TMEM91: variants seen among roughly 807,000 people sequenced by gnomAD.
The protein encoded by TMEM91 is dispanin subfamily C member 3.
A neutral mutation model predicts 13.3 loss-of-function variants in TMEM91; 6 were observed. The ratio of observed to expected loss-of-function variants is 0.45; its 90% CI spans 0.25 to 0.89. The LOEUF is 0.89. Ranked by LOEUF, TMEM91 falls within the 40% of genes least tolerant of loss-of-function variation. TMEM91 has a pLI of 0.19. For missense variants in TMEM91, 193 were observed against 228.7 expected (o/e 0.84, Z 1.01); for synonymous variants, 87 against 101.7 (o/e 0.86, Z 0.87).
intron 2 of TMEM91, among the ~76,000 whole-genome samples, chr19:41,380,778 G>C (rs1160687631): frequency 1.3e-5 from 2 of 151,974 alleles, no homozygotes; most frequent in African/African-American, 4.8e-5. Context: ...GCCAGGTGTA[G>C]TGGTGCACAC....
intron 1 of TMEM91, among the ~76,000 whole-genome samples, chr19:41,364,719 G>A (rs1415079388): frequency 2.0e-5 from 3 of 152,144 alleles, no homozygotes; most frequent in South Asian, 4.1e-4. Context: ...TTCTGAGCAA[G>A]GAGCGGTTGG....
intron 3 of TMEM91, 70 bp from the exon 4 acceptor site, chr19:41,383,645 G>A: frequency 1.2e-6 from 2 of 1,614,042 alleles, no homozygotes; most frequent in South Asian, 1.1e-5. Context: ...ATGTTGGGTG[G>A]GGGAGGGACC....
intron 2 of TMEM91, among the ~76,000 whole-genome samples, chr19:41,381,868 G>A (rs1317530126): frequency 6.6e-6 from 1 of 151,184 alleles, no homozygotes; most frequent in Non-Finnish European, 1.5e-5. Flanking sequence ...CCCTGCTCAG[G>A]GGCTTTTCTT....
intron 2 of TMEM91, among the ~76,000 whole-genome samples, chr19:41,382,348 G>A (rs1470602578): frequency 6.6e-6 from 1 of 151,900 alleles, no homozygotes; most frequent in Non-Finnish European, 1.5e-5. Context: ...CTCTGGCCAG[G>A]TGTGGTGGCT....
At chr19:41,368,193 T>C (rs2038558030) in intron 1 of TMEM91, among the ~76,000 whole-genome samples, 1 of 151,978 alleles carries the variant, frequency 6.6e-6, no homozygotes, top group African/African-American at 2.4e-5. Context: ...ACAGGATCAC[T>C]TGAGGCCAGG....
At chr19:41,379,846 G>C (rs112708650) in intron 2 of TMEM91, among the ~76,000 whole-genome samples, 2,957 of 150,798 alleles carry the variant, frequency 0.02, 48 homozygotes, top group Non-Finnish European at 0.031. Context: ...GTCAGGGGCT[G>C]GCTGGGCACT....
At chr19:41,382,098 C>T (rs2038901645) in intron 2 of TMEM91, among the ~76,000 whole-genome samples, 1 of 152,022 alleles carries the variant, frequency 6.6e-6, no homozygotes, top group South Asian at 2.1e-4. Context: ...AACTCTCGAC[C>T]TCAGGTGATC....
chr19:41,366,431 G>T (rs1347840737), intron 1 of TMEM91, among the ~76,000 whole-genome samples: 1 of 152,004 alleles, frequency 6.6e-6, no homozygotes, highest in African/African-American at 2.4e-5. Flanking sequence ...ACTATGACAG[G>T]GACCTTGTCT....
intron 2 of TMEM91, 87 bp downstream of exon 2, chr19:41,378,606 T>A: frequency 1.4e-6 from 2 of 1,380,382 alleles, no homozygotes; most frequent in Non-Finnish European, 2.0e-6. Flanking sequence ...TTGACAGCTG[T>A]GCCGATCTGC....
intron 1 of TMEM91, among the ~76,000 whole-genome samples, chr19:41,364,563 C>G (rs535436052): frequency 6.7e-6 from 1 of 149,532 alleles, no homozygotes; most frequent in Admixed American, 6.6e-5. Flanking sequence ...AAAATCACTC[C>G]TCATTCAGAG....
upstream of TMEM91, among the ~76,000 whole-genome samples, chr19:41,374,999 G>C (rs977655862): frequency 6.6e-5 from 10 of 151,990 alleles, no homozygotes; most frequent in Admixed American, 3.9e-4. Flanking sequence ...AACAAACAAA[G>C]AGCCTGGAAA....
At position 41,383,845 on chromosome 19, in the gene TMEM91, CCT is replaced by C; in HGVS notation, c.492_493del (p.Tyr165ProfsTer?). ...GCGGCTGCCCTGGTGACCCTGGCTGCCTACCTTGCCTCCCGAGACCCGCCCTA... is the reference window on the plus strand; with the variant it reads ...GCGGCTGCCCTGGTGACCCTGGCTGCACCTTGCCTCCCGAGACCCGCCCTA... On this transcript the variant is annotated frameshift_variant, in exon 4 of 4. Transcript: ENST00000392002. LOFTEE classifies it high-confidence loss of function. 1 of 1,607,312 alleles carries C rather than the reference CCT, an allele frequency of 6.2e-7. No homozygotes were observed. The highest frequency in any genetic ancestry group is 8.5e-7 in the Non-Finnish European group (1 of 1,176,956).
Position 41,376,606 on chromosome 19 carries a change from G to A in TMEM91, c.-278G>A, listed in dbSNP as rs960831361. The A allele has an allele frequency of 6.6e-6, 1 of 152,242 alleles. No individual in the cohort carries two copies. The highest frequency in any genetic ancestry group is 1.5e-5 in the Non-Finnish European group (1 of 68,064). The allele number at this position is 152,242 out of a possible 1,614,324, so 9.4% of individuals were successfully genotyped here. On this transcript the variant is annotated 5_prime_UTR_variant, in exon 1 of 4. Transcript: ENST00000392002. ...TTCCCGCCTGCTCCCAGACCCCCGG[G>A]AGTCGTAGGAACCCGTTCCTGGACG...
intron 3 of TMEM91, 62 bp from the exon 4 acceptor site, chr19:41,383,653 A>G: frequency 6.2e-7 from 1 of 1,613,694 alleles, no homozygotes; most frequent in African/African-American, 1.3e-5. Flanking sequence ...TGGGGGAGGG[A>G]CCAGGGGAAG....
chr19:41,381,177 A>G (rs906524017), intron 2 of TMEM91, among the ~76,000 whole-genome samples: 1 of 150,992 alleles, frequency 6.6e-6, no homozygotes, highest in Non-Finnish European at 1.5e-5. Context: ...GCATTTTATA[A>G]TCTCCATCTT....
chr19:41,367,268 C>T (rs1455440058), intron 1 of TMEM91, among the ~76,000 whole-genome samples: 1 of 152,196 alleles, frequency 6.6e-6, no homozygotes, highest in East Asian at 1.9e-4. Flanking sequence ...GGGAAGATTG[C>T]GTTAACATTC....
At position 41,382,936 on chromosome 19, in the gene TMEM91, G is replaced by A; in HGVS notation, c.360+15G>A. On this transcript the variant is annotated intron_variant, in intron 3 of 3. Transcript: ENST00000392002. ...TAGCCCAGAAGGTCAGTCTGTGTGT[G>A]GGACTTGGAGGGGACTGGGCATAAA... 6.2e-7 allele frequency: 1 copy of A among 1,610,768 alleles called. No homozygotes were observed. Among genetic ancestry groups the A allele is most frequent in the Non-Finnish European group, 8.5e-7 (1 of 1,178,072 alleles).
At chr19:41,383,391 T>C in intron 3 of TMEM91, 1 of 818,884 alleles carries the variant, frequency 1.2e-6, no homozygotes. Context: ...AACTTCCCTG[T>C]GCCTCACTTT....
At chr19:41,367,869 A>G (rs2038553574) in intron 1 of TMEM91, among the ~76,000 whole-genome samples, 1 of 152,112 alleles carries the variant, frequency 6.6e-6, no homozygotes, top group Non-Finnish European at 1.5e-5. Context: ...TCCTGGGCTC[A>G]AGTGATCCAC....
Sources: allele counts gnomAD v4.1 joint callset (sites outside exome capture counted in the v4.1 genomes callset), GRCh38; gene constraint gnomAD v4.1.1; transcripts MANE v1.5; gene names NCBI Gene and HGNC (gene_info 2026-07-23, HGNC 2026-07-21).